GLRA3: variants seen among roughly 807,000 people sequenced by gnomAD.
GLRA3 encodes the protein glycine receptor subunit alpha-3.
GLRA3 carries 44 observed loss-of-function variants against 60.4 expected under a neutral mutation model. The ratio of observed to expected loss-of-function variants is 0.73; its 90% CI spans 0.57 to 0.94. GLRA3 has a LOEUF of 0.94. Ranked by LOEUF, GLRA3 falls within the 40% of genes least tolerant of loss-of-function variation. GLRA3 has a pLI of 0.00. For missense variants in GLRA3, 508 were observed against 564.6 expected (o/e 0.90, Z 1.02); for synonymous variants, 223 against 192.9 (o/e 1.16, Z -1.29).
Position 174,643,942 on chromosome 4 carries a change from A to T in GLRA3, c.1239T>A (p.Ser413Arg). The T allele has an allele frequency of 6.2e-7, 1 of 1,614,022 alleles. No individual in the cohort carries two copies. The highest frequency in any genetic ancestry group is 1.3e-5 in the African/African-American group (1 of 75,018). ...TAAAGACCTTCCTCATTTCATCAGG[A>T]CTTTTTGGCATTACCTGGACAGGGT... ...PNHPVQVMPK[S>R]PDEMRKVFID... Residue 413 changes from serine to arginine, a missense_variant, in exon 10 of 10, where the codon AGT (serine) becomes AGA (arginine). Ser to Arg is a moderately radical substitution (Grantham distance 110). This residue lies in a region of GLRA3 where 176 missense variants were observed against 197.9 expected (regional missense o/e 0.89). Transcript: ENST00000274093.
chr4:174,738,666 C>T (rs889038491), intron 3 of GLRA3, among the ~76,000 whole-genome samples: 7 of 152,136 alleles, frequency 4.6e-5, no homozygotes, highest in African/African-American at 1.4e-4. Flanking sequence ...TGTTCGGAAT[C>T]GATTGATATT....
chr4:174,781,025 C>T (rs542438309), intron 2 of GLRA3, among the ~76,000 whole-genome samples: 132 of 152,126 alleles, frequency 8.7e-4, no homozygotes, highest in African/African-American at 2.7e-3. Flanking sequence ...TTTTCAGCAC[C>T]GTACCACACC....
chr4:174,758,214 C>A (rs1055690615), intron 3 of GLRA3, among the ~76,000 whole-genome samples: 7 of 152,132 alleles, frequency 4.6e-5, no homozygotes, highest in African/African-American at 1.7e-4. Context: ...CAGACTATGA[C>A]AAGAACAGCA....
In GLRA3 at chr4:174,733,784, G is replaced by A. The variant is rs116696211; in HGVS notation, c.268-5086C>T. ...GTCTTTCCCACATGGCCCTGCATGG[G>A]ATGCTGTGCCTCTTGTCTCTAGGAC... On this transcript the variant is annotated intron_variant, in intron 3 of 9. Coordinates refer to ENST00000274093, the MANE Select transcript of GLRA3 (RefSeq NM_006529.4). Among the ~76,000 whole-genome samples the A allele has an allele frequency of 2.3e-3, 343 of 152,242 alleles. 1 individual carries two copies. Among genetic ancestry groups the A allele is most frequent in the African/African-American group, 7.8e-3 (326 of 41,530 alleles).
Position 174,637,996 on chromosome 4 carries a change from G to T in GLRA3, c.*5790C>A, listed in dbSNP as rs568924063. The T allele has an allele frequency of 1.9e-4, 29 of 151,678 alleles. No individual in the cohort carries two copies. Among genetic ancestry groups the T allele is most frequent in the African/African-American group, 6.8e-4 (28 of 41,042 alleles). The allele number at this position is 151,678 out of a possible 1,614,324, so 9.4% of individuals were successfully genotyped here. On this transcript the variant is annotated 3_prime_UTR_variant, in exon 10 of 10. Transcript: ENST00000274093. ...AATAAGAATAAAGCTAGTGATAAGG[G>T]GTTGATTGAACTTAAACACAGACAG... is the stretch of plus-strand genomic sequence containing the variant.
At chr4:174,680,884 T>C (rs1220140562) in intron 6 of GLRA3, among the ~76,000 whole-genome samples, 2 of 152,176 alleles carry the variant, frequency 1.3e-5, no homozygotes, top group Non-Finnish European at 2.9e-5. Context: ...TTGTTGTTTG[T>C]TGTATTTTCA....
chr4:174,696,060 G>A (rs1254682999), intron 5 of GLRA3, among the ~76,000 whole-genome samples: 1 of 151,728 alleles, frequency 6.6e-6, no homozygotes, highest in East Asian at 1.9e-4. Flanking sequence ...TCTCTACAAT[G>A]ACAATTACAA....
At chr4:174,662,839 T>TC (rs1733506660) in intron 7 of GLRA3, among the ~76,000 whole-genome samples, 2 of 137,470 alleles carry the variant, frequency 1.5e-5, no homozygotes, top group Non-Finnish European at 1.6e-5. Context: ...TTTTTTTTCT[T>TC]TTTTTTTTTT....
At chr4:174,696,642 A>G (rs1735064819) in intron 5 of GLRA3, among the ~76,000 whole-genome samples, 1 of 151,994 alleles carries the variant, frequency 6.6e-6, no homozygotes, top group African/African-American at 2.4e-5. Flanking sequence ...TATCCATGAG[A>G]TTAGATAAAA....
chr4:174,661,225 A>G (rs1733422965), intron 7 of GLRA3, among the ~76,000 whole-genome samples: 1 of 152,118 alleles, frequency 6.6e-6, no homozygotes, highest in African/African-American at 2.4e-5. Context: ...AAATTTCTGT[A>G]TCATCTCTAT....
intron 2 of GLRA3, among the ~76,000 whole-genome samples, chr4:174,787,907 AT>A (rs367703343): frequency 7.6e-4 from 116 of 152,038 alleles, no homozygotes; most frequent in African/African-American, 2.6e-3. Flanking sequence ...CAATCTTGAT[AT>A]TTTTTTACTC....
chr4:174,666,856 A>G (rs1270216493), intron 7 of GLRA3, among the ~76,000 whole-genome samples: 6 of 150,860 alleles, frequency 4.0e-5, no homozygotes, highest in Non-Finnish European at 8.8e-5. Flanking sequence ...AGAAGCAGTC[A>G]TGTTCAGGGA....
intron 1 of GLRA3, among the ~76,000 whole-genome samples, chr4:174,789,558 T>C (rs918829258): frequency 6.6e-6 from 1 of 152,184 alleles, no homozygotes; most frequent in Non-Finnish European, 1.5e-5. Context: ...TTGCCATAAA[T>C]GTACCATGTG....
rs1732598884 is a variant in GLRA3 at position 174,640,428 on chromosome 4, A to C, written c.*3358T>G. On this transcript the variant is annotated 3_prime_UTR_variant, in exon 10 of 10. Coordinates refer to ENST00000274093, the MANE Select transcript of GLRA3 (RefSeq NM_006529.4). ...ATAAAAATTTAGCTGCCAGTATAAT[A>C]TTCAGTCCTCCCAAGTAACCAGCAG... is the stretch of plus-strand genomic sequence containing the variant. 6.6e-6 allele frequency: 1 copy of C among 152,136 alleles called. No homozygotes were observed. Among genetic ancestry groups the C allele is most frequent in the South Asian group, 2.1e-4 (1 of 4,832 alleles). 9.4% of individuals were successfully genotyped at this position (152,136 alleles called of 1,614,324 possible). A position where few individuals can be genotyped will look rare whatever the true frequency, so the allele number is the denominator to read the frequency against.
chr4:174,641,862 C>A lies in GLRA3; in HGVS notation c.*1924G>T, dbSNP rs1238262121. On this transcript the variant is annotated 3_prime_UTR_variant, in exon 10 of 10. Transcript: ENST00000274093. ...GAGATGATGTAGTTTATAATTACCT[C>A]AAACTCTCCTGCTAATTCTCAAGGA... is the stretch of plus-strand genomic sequence containing the variant. The A allele has an allele frequency of 6.6e-6, 1 of 152,024 alleles. No homozygotes were observed. Among genetic ancestry groups the A allele is most frequent in the Non-Finnish European group, 1.5e-5 (1 of 67,918 alleles). 9.4% of individuals were successfully genotyped at this position (152,024 alleles called of 1,614,324 possible). A position where few individuals can be genotyped will look rare whatever the true frequency, so the allele number is the denominator to read the frequency against.
chr4:174,799,588 C>G (rs1470788262), intron 1 of GLRA3, among the ~76,000 whole-genome samples: 1 of 152,130 alleles, frequency 6.6e-6, no homozygotes, highest in Non-Finnish European at 1.5e-5. Context: ...TTAGAGATCT[C>G]AAAGAATTAC....
intron 3 of GLRA3, among the ~76,000 whole-genome samples, chr4:174,733,594 A>C (rs1736645653): frequency 6.6e-6 from 1 of 152,198 alleles, no homozygotes; most frequent in Admixed American, 6.5e-5. Context: ...GGTACCAGGC[A>C]ACTAGAAACC....
chr4:174,763,479 A>G (rs748182846), intron 3 of GLRA3, among the ~76,000 whole-genome samples: 1 of 152,226 alleles, frequency 6.6e-6, no homozygotes, highest in Non-Finnish European at 1.5e-5. Context: ...GACACCCTGA[A>G]GACCAGCCAG....
At chr4:174,694,900 C>T (rs1017274472) in intron 5 of GLRA3, among the ~76,000 whole-genome samples, 8 of 152,084 alleles carry the variant, frequency 5.3e-5, no homozygotes, top group Admixed American at 2.0e-4. Flanking sequence ...AATGTTACTA[C>T]TGACTCCACA....
Sources: gnomAD v4.1 joint callset for allele counts (sites outside exome capture counted in the v4.1 genomes callset) on GRCh38, gnomAD v4.1.1 for gene constraint, gnomAD v4.1.1 regional missense constraint, MANE v1.5 for transcripts, NCBI Gene and HGNC (gene_info 2026-07-23, HGNC 2026-07-21) for gene names.